ZNF496: variants seen among roughly 807,000 people sequenced by gnomAD.
ZNF496 encodes the protein NSD1 (nuclear receptor binding SET-domain containing 1)-interacting zinc finger protein 1.
ZNF496 carries 11 observed loss-of-function variants against 58.9 expected under a neutral mutation model. The ratio of observed to expected loss-of-function variants is 0.19; its 90% confidence interval spans 0.12 to 0.31. The LOEUF (loss-of-function observed/expected upper bound fraction) is 0.31, where lower values mean the gene tolerates loss of function less well. Among genes scored for constraint, ZNF496 ranks in the 10% least tolerant of loss-of-function variants. ZNF496 has a pLI of 1.00. For missense variants in ZNF496, 660 were observed against 783.0 expected, an observed-to-expected ratio of 0.84 and a Z score of 1.88; for synonymous variants, 338 against 318.2, an observed-to-expected ratio of 1.06 and a Z score of -0.66.
Position 247,300,835 on chromosome 1 carries a change from C to T in ZNF496, c.1448G>A (p.Arg483Gln), listed in dbSNP as rs1213536652. 30 of 1,609,336 alleles carry T rather than the reference C, an allele frequency of 1.9e-5. No homozygotes were observed. The highest frequency in any genetic ancestry group is 2.4e-5 in the Non-Finnish European group (28 of 1,177,114). Residue 483 changes from arginine (R) to glutamine (Q), a missense_variant, in exon 10 of 10, where the codon CGG (arginine) becomes CAG (glutamine). Arg to Gln is a conservative substitution (Grantham distance 43). Transcript: ENST00000682384. This position sits in a 1 kb window ranked among gnomAD's most constrained non-coding sequence, Gnocchi z 5.7. Reference protein sequence around the residue: ...RLNSHLLSHRRIHLQPDRLQP... With the variant: ...RLNSHLLSHRQIHLQPDRLQP... ...GAGTCTGTCCGGCTGCAGGTGTATC[C>T]GCCGGTGGGAGAGCAGGTGGGAGTT...
At chr1:247,316,216 C>CGTGTGT (rs67737658) in intron 6 of ZNF496, among the ~76,000 whole-genome samples, 2 of 90,618 alleles carry the variant, frequency 2.2e-5, no homozygotes, top group African/African-American at 4.5e-5. Flanking sequence ...CGCGCGTGCG[C>CGTGTGT]GTGTGTGTGT....
intron 2 of ZNF496, among the ~76,000 whole-genome samples, chr1:247,330,894 C>A (rs1049177632): frequency 6.6e-6 from 1 of 152,278 alleles, no homozygotes; most frequent in South Asian, 2.1e-4. Flanking sequence ...ACCCACTGCT[C>A]TGAATCTCTT....
chr1:247,326,105 T>TAC (rs1413058180), intron 5 of ZNF496, among the ~76,000 whole-genome samples: 4 of 149,922 alleles, frequency 2.7e-5, no homozygotes, highest in Non-Finnish European at 5.9e-5. Context: ...CACATATATA[T>TAC]ACACACACAT....
intron 6 of ZNF496, 103 bp downstream of exon 6, chr1:247,323,051 C>G (rs1660010945): frequency 1.0e-6 from 1 of 962,912 alleles, no homozygotes; most frequent in Non-Finnish European, 1.6e-6. Flanking sequence ...GACTGAACAT[C>G]CTGTGTGGCA....
At position 247,297,854 on chromosome 1, in the gene ZNF496, C is replaced by T. The variant is rs985728442; in HGVS notation, c.*2665G>A. The T allele has an allele frequency of 7.0e-6, 1 of 142,866 alleles. No homozygotes were observed. Among genetic ancestry groups the T allele is most frequent in the Non-Finnish European group, 1.6e-5 (1 of 64,290 alleles). 8.8% of individuals were successfully genotyped at this position (142,866 alleles called of 1,614,324 possible). A position where few individuals can be genotyped will look rare whatever the true frequency, so the allele number is the denominator to read the frequency against. On this transcript the variant is annotated 3_prime_UTR_variant, in exon 10 of 10. Coordinates refer to ENST00000682384, the MANE Select transcript of ZNF496 (RefSeq NM_032752.3). ...GTTGGCTCTGGATCAGTGGTGGGGA[C>T]TCAAGAGACAGCCTCCCTGTGGCTT...
chr1:247,307,779 CACGTGGG>C (rs1659463252), intron 9 of ZNF496: 1 of 985,280 alleles, frequency 1.0e-6, no homozygotes, highest in East Asian at 1.1e-4. Context: ...ACTACAATGA[CACGTGGG>C]TTCAGGTAAG....
chr1:247,326,401 T>C (rs1198244296), intron 5 of ZNF496, among the ~76,000 whole-genome samples: 1 of 152,188 alleles, frequency 6.6e-6, no homozygotes, highest in African/African-American at 2.4e-5. Context: ...TTATTGCTCA[T>C]GGAAATGGGA....
At chr1:247,319,220 T>C (rs1659878333) in intron 6 of ZNF496, among the ~76,000 whole-genome samples, 1 of 152,202 alleles carries the variant, frequency 6.6e-6, no homozygotes. Flanking sequence ...ACTCCTGGGC[T>C]CAAGCAATCC....
intron 6 of ZNF496, among the ~76,000 whole-genome samples, chr1:247,321,617 G>A (rs1334978756): frequency 6.6e-6 from 1 of 152,174 alleles, no homozygotes; most frequent in African/African-American, 2.4e-5. Flanking sequence ...CTATCACTGG[G>A]AAGAAACTAT....
In ZNF496 at chr1:247,310,432, T is replaced by C. The variant is rs754277499; in HGVS notation, c.676A>G (p.Met226Val). ...TCCTCTTCAGAGAAGCATAAAATCA[T>C]GTCCTTGAATGGAGAAACCCGACTC... ...PPSRVSPFKDMILCFSEEDWS... is the reference protein window; with the variant it reads ...PPSRVSPFKDVILCFSEEDWS... The change falls in exon 7 of 10, where the codon ATG becomes GTG. Residue 226 changes from methionine (M) to valine (V), a missense_variant. Coordinates refer to ENST00000682384, the MANE Select transcript of ZNF496 (RefSeq NM_032752.3). 12 of 1,614,178 alleles carry C rather than the reference T, an allele frequency of 7.4e-6. No individual in the cohort carries two copies. The highest frequency in any genetic ancestry group is 7.6e-6 in the Non-Finnish European group (9 of 1,180,032).
chr1:247,308,382 A>C lies in ZNF496; in HGVS notation c.1006+93T>G. 1 of 1,176,070 alleles carries C rather than the reference A, an allele frequency of 8.5e-7. No individual in the cohort carries two copies. The highest frequency in any genetic ancestry group is 1.3e-5 in the South Asian group (1 of 77,272). 72.9% of individuals were successfully genotyped at this position (1,176,070 alleles called of 1,614,324 possible). ...ATGCACGCACACATGCATTCAACAC[A>C]ACCATCCCCTATGCCACACATGCAT... On this transcript the variant is annotated intron_variant, in intron 9 of 9. Coordinates refer to ENST00000682384, the MANE Select transcript of ZNF496 (RefSeq NM_032752.3). The surrounding 1 kb of genome is among the most constrained non-coding windows in gnomAD (Gnocchi z 4.5).
intron 9 of ZNF496, among the ~76,000 whole-genome samples, chr1:247,302,280 A>G (rs1001993436): frequency 6.6e-6 from 1 of 152,116 alleles, no homozygotes; most frequent in African/African-American, 2.4e-5. Flanking sequence ...GAAGTTGGAC[A>G]AACAGAAGCA....
intron 6 of ZNF496, among the ~76,000 whole-genome samples, chr1:247,319,829 A>C (rs1292449462): frequency 1.3e-5 from 2 of 152,146 alleles, no homozygotes; most frequent in Admixed American, 1.3e-4. Flanking sequence ...AAGCTGAGGC[A>C]AGAGAACTGC....
chr1:247,320,185 AT>A (rs1659915926), intron 6 of ZNF496, among the ~76,000 whole-genome samples: 1 of 152,176 alleles, frequency 6.6e-6, no homozygotes, highest in Admixed American at 6.5e-5. Context: ...GCACACAAAT[AT>A]TTACAGCAGC....
At chr1:247,322,093 G>A (rs769191232) in intron 6 of ZNF496, among the ~76,000 whole-genome samples, 1 of 152,132 alleles carries the variant, frequency 6.6e-6, no homozygotes, top group Non-Finnish European at 1.5e-5. Flanking sequence ...ACCAGCCTGG[G>A]CAACATGGCG....
In ZNF496 at chr1:247,309,689, C is replaced by T. The variant is rs1444173378; in HGVS notation, c.892+10G>A. ...TACTCTGTCCACTCAGTTCTGGAAT[C>T]ATTACTCACCCAAGTAGGAGACCTG... On this transcript the variant is annotated intron_variant, in intron 8 of 9. Coordinates refer to ENST00000682384, the MANE Select transcript of ZNF496 (RefSeq NM_032752.3). This position sits in a 1 kb window ranked among gnomAD's most constrained non-coding sequence, Gnocchi z 4.3. 1 of 1,614,110 alleles carries T rather than the reference C, an allele frequency of 6.2e-7. No homozygotes were observed. The highest frequency in any genetic ancestry group is 1.1e-5 in the South Asian group (1 of 91,066).
chr1:247,315,575 A>G (rs901045391), intron 6 of ZNF496, among the ~76,000 whole-genome samples: 9 of 152,130 alleles, frequency 5.9e-5, no homozygotes, highest in Admixed American at 5.9e-4. Flanking sequence ...TTTGGCATGA[A>G]TAAGGGGGCA....
At chr1:247,307,544 C>G (rs943760521) in intron 9 of ZNF496, 30 of 985,286 alleles carry the variant, frequency 3.0e-5, no homozygotes, top group Non-Finnish European at 3.6e-5. Context: ...ACTCTTGGCA[C>G]GCAGAGGTGG....
At chr1:247,302,813 C>A (rs991006429) in intron 9 of ZNF496, among the ~76,000 whole-genome samples, 3 of 152,130 alleles carry the variant, frequency 2.0e-5, no homozygotes, top group African/African-American at 7.2e-5. Flanking sequence ...GTATGATGTA[C>A]TTTGTGGACC....
Sources: allele counts gnomAD v4.1 joint callset (sites outside exome capture counted in the v4.1 genomes callset), GRCh38; gene constraint gnomAD v4.1.1; non-coding constraint Gnocchi (gnomAD v3.1); transcripts MANE v1.5; gene names NCBI Gene and HGNC (gene_info 2026-07-23, HGNC 2026-07-21).